ZSCAN20: variants seen among roughly 807,000 people sequenced by gnomAD.
ZSCAN20 encodes zinc finger and SCAN domain containing 20, also known as zinc finger and SCAN domain-containing protein 20.
A neutral mutation model predicts 97.1 loss-of-function variants in ZSCAN20; 39 were observed. The ratio of observed to expected loss-of-function variants is 0.40; its 90% CI spans 0.31 to 0.52. ZSCAN20 has a LOEUF of 0.52. ZSCAN20 is among the 20% of genes least tolerant of loss of function. ZSCAN20 has a pLI of 0.49. For synonymous variants in ZSCAN20, 456 were observed against 467.3 expected (o/e 0.98, Z 0.31); for missense variants, 1,115 against 1,290.4 (o/e 0.86, Z 2.08).
chr1:33,497,314 A>C lies in ZSCAN20; in HGVS notation c.*1838A>C, dbSNP rs1488624935. Among the ~76,000 whole-genome samples, 3 of 152,182 alleles carry C rather than the reference A, an allele frequency of 2.0e-5. No homozygotes were observed. The highest frequency in any genetic ancestry group is 2.9e-5 in the Non-Finnish European group (2 of 68,028). On this transcript the variant is annotated 3_prime_UTR_variant, in exon 8 of 8. Transcript: ENST00000684572. Reference sequence around the variant, plus strand: ...ATCTCTGCGGGGCAGGGGTCATGGGATGAACCCTGGATAGAAGTCAGCAGA... The same window carrying C: ...ATCTCTGCGGGGCAGGGGTCATGGGCTGAACCCTGGATAGAAGTCAGCAGA...
chr1:33,497,713 TGAG>T lies in ZSCAN20; in HGVS notation c.*2245_*2247del, dbSNP rs774611594. Among the ~76,000 whole-genome samples, 14 of 151,984 alleles carry T rather than the reference TGAG, an allele frequency of 9.2e-5. No individual in the cohort carries two copies. The highest frequency in any genetic ancestry group is 1.6e-4 in the Non-Finnish European group (11 of 67,990). ...GTCTGAACTAGAGCAGTGGTGACAC[TGAG>T]GAGGAGGGAATGAATGGGAAAGGTC... is the stretch of plus-strand genomic sequence containing the variant. On this transcript the variant is annotated 3_prime_UTR_variant, in exon 8 of 8. Coordinates refer to ENST00000684572, the MANE Select transcript of ZSCAN20 (RefSeq NM_001377376.1).
In ZSCAN20 at chr1:33,495,646, T is replaced by C; in HGVS notation, c.*170T>C. 1 of 541,592 alleles carries C rather than the reference T, an allele frequency of 1.8e-6. No homozygotes were observed. 33.5% of individuals were successfully genotyped at this position (541,592 alleles called of 1,614,324 possible). ...AATTACAAATACTAAGGATCCAGAT[T>C]TGAAGGCACTTTTAAGTGTAATTTG... On this transcript the variant is annotated 3_prime_UTR_variant, in exon 8 of 8. Coordinates refer to ENST00000684572, the MANE Select transcript of ZSCAN20 (RefSeq NM_001377376.1).
chr1:33,493,468 A>G lies in ZSCAN20; in HGVS notation c.1726A>G (p.Arg576Gly), dbSNP rs1652707300. 1 of 1,614,202 alleles carries G rather than the reference A, an allele frequency of 6.2e-7. No individual in the cohort carries two copies. Among genetic ancestry groups the G allele is most frequent in the Non-Finnish European group, 8.5e-7 (1 of 1,180,042 alleles). The change falls in exon 7 of 8, where the codon AGG (arginine) becomes GGG (glycine). Residue 576 changes from arginine (R) to glycine (G), a missense_variant. Arg to Gly is a moderately radical substitution (Grantham distance 125). This residue lies in a region of ZSCAN20 where 554 missense variants were observed against 584.9 expected (regional missense o/e 0.95). Transcript: ENST00000684572. This position sits in a 1 kb window ranked among gnomAD's most constrained non-coding sequence, Gnocchi z 4.3. ...GCTGATGAGGGCTCGGGCTGCAGTC[A>G]GGGCCATGGGGACTGTCCGAGAGGC... is the stretch of plus-strand genomic sequence containing the variant. ...DSLMRARAAV[R>G]AMGTVREAAG... is the part of the protein sequence containing the mutation.
At chr1:33,482,559 C>T (rs1293681775) in intron 2 of ZSCAN20, among the ~76,000 whole-genome samples, 4 of 152,092 alleles carry the variant, frequency 2.6e-5, no homozygotes, top group Non-Finnish European at 5.9e-5. Context: ...TTGTGTGGAC[C>T]TAGTTTTCAG....
chr1:33,472,804 A>G (rs1326703418), intron 1 of ZSCAN20, 113 bp downstream of exon 1: 1 of 146,024 alleles, frequency 6.8e-6, no homozygotes, highest in Non-Finnish European at 1.5e-5. Flanking sequence ...AAAGAAGCTT[A>G]TATGTGGGGG....
At chr1:33,489,910 C>T (rs1346432829) in intron 5 of ZSCAN20, among the ~76,000 whole-genome samples, 1 of 152,058 alleles carries the variant, frequency 6.6e-6, no homozygotes, top group Non-Finnish European at 1.5e-5. Context: ...TTTTTTTTAG[C>T]ACTGTAAATA....
Position 33,497,449 on chromosome 1 carries a change from G to C in ZSCAN20, c.*1973G>C, listed in dbSNP as rs1652915040. Reference sequence around the variant, plus strand: ...TTCCAGGGAAAGGCACTGTTGTGTGGAATAGCATGGATTCAGGGTGGGGTT... The same window carrying C: ...TTCCAGGGAAAGGCACTGTTGTGTGCAATAGCATGGATTCAGGGTGGGGTT... On this transcript the variant is annotated 3_prime_UTR_variant, in exon 8 of 8. Transcript: ENST00000684572. Among the ~76,000 whole-genome samples, 1 of 152,174 alleles carries C rather than the reference G, an allele frequency of 6.6e-6. No individual in the cohort carries two copies. The highest frequency in any genetic ancestry group is 1.5e-5 in the Non-Finnish European group (1 of 68,028).
At position 33,495,577 on chromosome 1, in the gene ZSCAN20, AC is replaced by A; in HGVS notation, c.*104del. On this transcript the variant is annotated 3_prime_UTR_variant, in exon 8 of 8. Coordinates refer to ENST00000684572, the MANE Select transcript of ZSCAN20 (RefSeq NM_001377376.1). ...TTTCCAATTTTTAAGCTTGGTGTGTACCCAGGGAAGTTATCTTGGTATAAAC... is the reference window on the plus strand; with the variant it reads ...TTTCCAATTTTTAAGCTTGGTGTGTACCAGGGAAGTTATCTTGGTATAAAC... 8.7e-7 allele frequency: 1 copy of A among 1,149,410 alleles called. No homozygotes were observed. The highest frequency in any genetic ancestry group is 1.1e-6 in the Non-Finnish European group (1 of 875,554). The allele number at this position is 1,149,410 out of a possible 1,614,324, so 71.2% of individuals were successfully genotyped here. A position where few individuals can be genotyped will look rare whatever the true frequency, so the allele number is the denominator to read the frequency against.
rs1365969951 is a variant in ZSCAN20, at chr1:33,499,472, A to C, written c.*3996A>C. ...CCTGCCAACCAGCTGTGCTTGGGTG[A>C]CTCCTGGGCATCTCAAAGCCCCGGT... is the stretch of plus-strand genomic sequence containing the variant. On this transcript the variant is annotated 3_prime_UTR_variant, in exon 8 of 8. Transcript: ENST00000684572. 6.6e-6 allele frequency among the ~76,000 whole-genome samples: 1 copy of C among 151,286 alleles called. No homozygotes were observed. Among genetic ancestry groups the C allele is most frequent in the Non-Finnish European group, 1.5e-5 (1 of 67,850 alleles).
At chr1:33,485,124 C>T (rs1003063162) in intron 2 of ZSCAN20, among the ~76,000 whole-genome samples, 2 of 152,148 alleles carry the variant, frequency 1.3e-5, no homozygotes, top group Non-Finnish European at 2.9e-5. Context: ...CCAGTGGACC[C>T]ATCTGAGCTT....
rs192609879 is a variant in ZSCAN20 at position 33,481,960 on chromosome 1, C to T, written c.417+2255C>T. Among the ~76,000 whole-genome samples, 343 of 152,242 alleles carry T rather than the reference C, an allele frequency of 2.3e-3. 3 individuals are homozygous for T. Among genetic ancestry groups the T allele is most frequent in the African/African-American group, 7.9e-3 (330 of 41,542 alleles). ...GGTACAGAGAGTTCCCATCCCTCCC[C>T]GACAAGCCTCCCTAACTATCAACAT... On this transcript the variant is annotated intron_variant, in intron 2 of 7. Transcript: ENST00000684572.
At chr1:33,483,033 A>G (rs1017965775) in intron 2 of ZSCAN20, among the ~76,000 whole-genome samples, 4 of 152,190 alleles carry the variant, frequency 2.6e-5, no homozygotes, top group Non-Finnish European at 4.4e-5. Flanking sequence ...TTCTCTTGAC[A>G]GTATCTTTCA....
chr1:33,491,375 CT>C lies in ZSCAN20; in HGVS notation c.1118del (p.Leu373ArgfsTer196). On this transcript the variant is annotated frameshift_variant, in exon 6 of 8. Transcript: ENST00000684572. LOFTEE classifies it high-confidence loss of function. The surrounding 1 kb of genome is among the most constrained non-coding windows in gnomAD (Gnocchi z 4.3). ...QLRARGFLRT[L>X]EQCRYRVKNL... ...AAGGGCAAGGGGCTTCCTGCGGACACTGGAGCAATGTCGCTATAGGGTCAAA... is the reference window on the plus strand; with the variant it reads ...AAGGGCAAGGGGCTTCCTGCGGACACGGAGCAATGTCGCTATAGGGTCAAA... 5 of 1,614,190 alleles carry C rather than the reference CT, an allele frequency of 3.1e-6. No individual in the cohort carries two copies. The highest frequency in any genetic ancestry group is 4.2e-6 in the Non-Finnish European group (5 of 1,180,022).
intron 2 of ZSCAN20, among the ~76,000 whole-genome samples, chr1:33,483,477 A>G (rs1652233074): frequency 1.3e-5 from 2 of 151,896 alleles, no homozygotes; most frequent in Admixed American, 1.3e-4. Context: ...CAGGTGTGTC[A>G]TTTCTTTGAT....
In ZSCAN20 at chr1:33,500,157, GA is replaced by G. The variant is rs1653016713; in HGVS notation, c.*4682del. ...TTTAGCATCATTTTGCCCTCCCTCT[GA>G]CTTTCAGCAAGCCTGCACTTACCTC... is the stretch of plus-strand genomic sequence containing the variant. On this transcript the variant is annotated 3_prime_UTR_variant, in exon 8 of 8. Transcript: ENST00000684572. 6.6e-6 allele frequency among the ~76,000 whole-genome samples: 1 copy of G among 152,078 alleles called. No individual in the cohort carries two copies. The highest frequency in any genetic ancestry group is 2.1e-4 in the South Asian group (1 of 4,814).
At position 33,500,749 on chromosome 1, in the gene ZSCAN20, G is replaced by A. The variant is rs190301691; in HGVS notation, c.*5273G>A. 6.6e-6 allele frequency among the ~76,000 whole-genome samples: 1 copy of A among 151,544 alleles called. No individual in the cohort carries two copies. The highest frequency in any genetic ancestry group is 1.5e-5 in the Non-Finnish European group (1 of 67,954). On this transcript the variant is annotated 3_prime_UTR_variant, in exon 8 of 8. Coordinates refer to ENST00000684572, the MANE Select transcript of ZSCAN20 (RefSeq NM_001377376.1). Reference sequence around the variant, plus strand: ...AGAGGGCGAGGGCCACGGGAAGGGGGATCAGGAAAACAAGAATCAGTCTCT... The same window carrying A: ...AGAGGGCGAGGGCCACGGGAAGGGGAATCAGGAAAACAAGAATCAGTCTCT...
At chr1:33,476,637 A>G (rs552403898) in intron 1 of ZSCAN20, among the ~76,000 whole-genome samples, 1 of 152,212 alleles carries the variant, frequency 6.6e-6, no homozygotes, top group Non-Finnish European at 1.5e-5. Context: ...CTGGTACTCT[A>G]TAAATGATTG....
rs902498057 is a variant in ZSCAN20, at chr1:33,494,920, A to G, written c.2576A>G (p.Asp859Gly). 1 of 1,614,212 alleles carries G rather than the reference A, an allele frequency of 6.2e-7. No individual in the cohort carries two copies. Among genetic ancestry groups the G allele is most frequent in the Non-Finnish European group, 8.5e-7 (1 of 1,180,048 alleles). Residue 859 changes from aspartate to glycine, a missense_variant, in exon 8 of 8, where the codon GAC (aspartate) becomes GGC (glycine). By Grantham distance (94) the Asp-to-Gly change is moderately conservative. Coordinates refer to ENST00000684572, the MANE Select transcript of ZSCAN20 (RefSeq NM_001377376.1). The part of the protein sequence containing the change: ...APEQPQSISK[D>G]LNSPGPHSTN... ...GAACAACCTCAAAGTATCAGTAAGG[A>G]CTTGAATTCTCCTGGACCACACAGC... is the stretch of plus-strand genomic sequence containing the variant.
At position 33,493,269 on chromosome 1, in the gene ZSCAN20, C is replaced by T. The variant is rs1177768173; in HGVS notation, c.1527C>T (p.Thr509=). 1 of 1,614,084 alleles carries T rather than the reference C, an allele frequency of 6.2e-7. No homozygotes were observed. The highest frequency in any genetic ancestry group is 8.5e-7 in the Non-Finnish European group (1 of 1,180,052). Reference sequence around the variant, plus strand: ...CCCCATTCTCGGAAAAGCTTCGTACCTGTCACCAGAACAGCCAGGTGTACC... The same window carrying T: ...CCCCATTCTCGGAAAAGCTTCGTACTTGTCACCAGAACAGCCAGGTGTACC... ...SESPFSEKLR[T]CHQNSQVYRA... Residue 509 remains threonine, a synonymous_variant, in exon 7 of 8, where the codon ACC becomes ACT. Coordinates refer to ENST00000684572, the MANE Select transcript of ZSCAN20 (RefSeq NM_001377376.1). The surrounding 1 kb of genome is among the most constrained non-coding windows in gnomAD (Gnocchi z 4.3).
Sources: gnomAD v4.1 joint callset for allele counts (sites outside exome capture counted in the v4.1 genomes callset) on GRCh38, gnomAD v4.1.1 for gene constraint, gnomAD v4.1.1 regional missense constraint, Gnocchi (gnomAD v3.1) non-coding constraint, MANE v1.5 for transcripts, NCBI Gene and HGNC (gene_info 2026-07-23, HGNC 2026-07-21) for gene names.